Variants in TGFA observed in about 807,000 individuals in gnomAD.
The protein encoded by TGFA is transforming growth factor alpha.
In TGFA, 12 loss-of-function variants were observed where a neutral mutation model predicts 21.7. That is an observed-to-expected ratio of 0.55 (90% confidence interval 0.35 to 0.90). The LOEUF is 0.90. Ranked by LOEUF, TGFA falls within the 40% of genes least tolerant of loss-of-function variation. The pLI is 0.01. For synonymous variants in TGFA, 79 were observed against 88.1 expected, an observed-to-expected ratio of 0.90 and a Z score of 0.58; for missense variants, 178 against 210.8, an observed-to-expected ratio of 0.84 and a Z score of 0.96.
chr2:70,464,188 A>G (rs1670483339), intron 3 of TGFA, among the ~76,000 whole-genome samples: 1 of 152,234 alleles, frequency 6.6e-6, no homozygotes, highest in Non-Finnish European at 1.5e-5. Context: ...GGCCTTAAGC[A>G]TCATGGCTAA....
At chr2:70,495,255 A>T (rs1671543928) in intron 2 of TGFA, among the ~76,000 whole-genome samples, 1 of 152,206 alleles carries the variant, frequency 6.6e-6, no homozygotes, top group African/African-American at 2.4e-5. Context: ...TTTCTTTTGG[A>T]GCTTGCCATG....
At chr2:70,464,609 C>G (rs1281952021) in intron 3 of TGFA, among the ~76,000 whole-genome samples, 5 of 152,176 alleles carry the variant, frequency 3.3e-5, no homozygotes, top group African/African-American at 1.2e-4. Context: ...GTTTCCACAA[C>G]AGAATGACCC....
intron 1 of TGFA, among the ~76,000 whole-genome samples, chr2:70,545,443 G>A (rs551978295): frequency 1.3e-5 from 2 of 152,182 alleles, no homozygotes; most frequent in South Asian, 2.1e-4. Context: ...ACCGGTTTTA[G>A]TTGTTTTAAA....
At chr2:70,526,086 C>A (rs149497855) in intron 1 of TGFA, among the ~76,000 whole-genome samples, 2 of 152,254 alleles carry the variant, frequency 1.3e-5, no homozygotes, top group African/African-American at 4.8e-5. Flanking sequence ...GCAGACAGGG[C>A]CACTCATTAG....
intron 2 of TGFA, among the ~76,000 whole-genome samples, chr2:70,511,833 T>C (rs1672109767): frequency 6.6e-6 from 1 of 152,058 alleles, no homozygotes; most frequent in Admixed American, 6.6e-5. Flanking sequence ...TCTTCTTCTG[T>C]GGATGAAGGT....
chr2:70,529,735 T>C (rs1672759191), intron 1 of TGFA, among the ~76,000 whole-genome samples: 1 of 152,148 alleles, frequency 6.6e-6, no homozygotes, highest in Non-Finnish European at 1.5e-5. Flanking sequence ...GGGCAGCCCC[T>C]GGAAGACTTT....
chr2:70,457,308 TG>T (rs1670263089), intron 3 of TGFA, among the ~76,000 whole-genome samples: 1 of 152,154 alleles, frequency 6.6e-6, no homozygotes, highest in Admixed American at 6.5e-5. Context: ...TATGCCCAGA[TG>T]GGTCTCAAAA....
rs576995244 is a variant in TGFA at position 70,489,608 on chromosome 2, G to C, written c.95-23872C>G. The stretch of plus-strand genomic sequence containing the variant: ...CAAATAAAATACAAAAATCCTCACA[G>C]GAAAAGGAGGATAAAGGCTGTGGTG... On this transcript the variant is annotated intron_variant, in intron 2 of 5. Transcript: ENST00000295400. Among the ~76,000 whole-genome samples, 4 of 152,362 alleles carry C rather than the reference G, an allele frequency of 2.6e-5. No homozygotes were observed. The South Asian group carries it at 8.3e-4, about 32-fold the overall frequency.
chr2:70,553,016 C>T (rs1033097945), intron 1 of TGFA, among the ~76,000 whole-genome samples: 1 of 152,254 alleles, frequency 6.6e-6, no homozygotes, highest in Non-Finnish European at 1.5e-5. Flanking sequence ...AGGGGTTTAA[C>T]TTCCCCTCAC....
chr2:70,523,020 T>C (rs1672521366), intron 1 of TGFA, among the ~76,000 whole-genome samples: 1 of 152,214 alleles, frequency 6.6e-6, no homozygotes, highest in Non-Finnish European at 1.5e-5. Context: ...TGTTTTTCTA[T>C]TTAAATGATA....
chr2:70,551,759 A>G (rs1191438732), intron 1 of TGFA, among the ~76,000 whole-genome samples: 1 of 152,088 alleles, frequency 6.6e-6, no homozygotes, highest in Non-Finnish European at 1.5e-5. Context: ...CTGTGTGAGC[A>G]AGTTTTTACA....
At chr2:70,533,628 G>T (rs1469700143) in intron 1 of TGFA, among the ~76,000 whole-genome samples, 8 of 149,464 alleles carry the variant, frequency 5.4e-5, no homozygotes, top group Non-Finnish European at 1.2e-4. Flanking sequence ...TGGATAGGCT[G>T]CTGGTCTTGT....
At chr2:70,500,794 T>C (rs568678742) in intron 2 of TGFA, among the ~76,000 whole-genome samples, 2 of 152,360 alleles carry the variant, frequency 1.3e-5, no homozygotes, top group African/African-American at 2.4e-5. Flanking sequence ...GAACTCCTTG[T>C]GTAGGCTTCC....
intron 2 of TGFA, among the ~76,000 whole-genome samples, chr2:70,469,449 C>T (rs1428954922): frequency 6.6e-6 from 1 of 152,188 alleles, no homozygotes; most frequent in Non-Finnish European, 1.5e-5. Context: ...ATCCTCCCAC[C>T]TCAGCCTCCA....
intron 5 of TGFA, among the ~76,000 whole-genome samples, chr2:70,452,655 G>A (rs913689967): frequency 3.0e-4 from 45 of 152,078 alleles, no homozygotes; most frequent in African/African-American, 1.0e-3. Context: ...AGAAAACCGA[G>A]GGTAAGCCGG....
At chr2:70,536,260 C>T (rs1361128860) in intron 1 of TGFA, among the ~76,000 whole-genome samples, 2 of 152,146 alleles carry the variant, frequency 1.3e-5, no homozygotes, top group East Asian at 3.8e-4. Context: ...GAGGCAAAAA[C>T]TAATAGAACA....
intron 1 of TGFA, among the ~76,000 whole-genome samples, chr2:70,523,679 G>A (rs1264592674): frequency 2.6e-5 from 4 of 152,090 alleles, no homozygotes; most frequent in Non-Finnish European, 5.9e-5. Flanking sequence ...TATAAGATCA[G>A]GTCACTCACA....
intron 2 of TGFA, among the ~76,000 whole-genome samples, chr2:70,467,119 T>C (rs376043911): frequency 1.3e-5 from 2 of 152,110 alleles, no homozygotes; most frequent in Non-Finnish European, 2.9e-5. Context: ...TGGATTGTTA[T>C]GTGCAGCAAA....
chr2:70,541,634 GA>G (rs1673133090), intron 1 of TGFA, among the ~76,000 whole-genome samples: 1 of 152,200 alleles, frequency 6.6e-6, no homozygotes, highest in Non-Finnish European at 1.5e-5. Flanking sequence ...CGTGTTCTAT[GA>G]ATGAGAAGAG....
Sources: allele counts gnomAD v4.1 joint callset (sites outside exome capture counted in the v4.1 genomes callset), GRCh38; gene constraint gnomAD v4.1.1; transcripts MANE v1.5; gene names NCBI Gene and HGNC (gene_info 2026-07-23, HGNC 2026-07-21).